Variants in WNK3 observed in about 807,000 individuals in gnomAD.
The protein encoded by WNK3 is serine/threonine-protein kinase WNK3.
WNK3 carries 18 observed loss-of-function variants against 116.7 expected under a neutral mutation model. That is an observed-to-expected ratio of 0.15 (90% CI 0.11 to 0.23). The LOEUF is 0.23. Ranked by LOEUF, WNK3 falls within the 10% of genes least tolerant of loss-of-function variation. The pLI, the probability that WNK3 is intolerant of heterozygous loss-of-function variation, is 1.00. For synonymous variants in WNK3, 404 were observed against 469.4 expected, an observed-to-expected ratio of 0.86 and a Z score of 1.80; for missense variants, 993 against 1,323.8, an observed-to-expected ratio of 0.75 and a Z score of 3.88.
At chrX:54,278,193 CT>C (rs1193326215) in intron 10 of WNK3, among the ~76,000 whole-genome samples, 2 of 109,987 alleles carry the variant, frequency 1.8e-5, no homozygotes, top group African/African-American at 3.3e-5. Context: ...GATTTGTATG[CT>C]GAAAATTACA....
intron 1 of WNK3, among the ~76,000 whole-genome samples, chrX:54,344,671 G>A (rs1364007251): frequency 1.8e-5 from 2 of 111,724 alleles, no homozygotes; most frequent in Non-Finnish European, 3.8e-5. Flanking sequence ...GCGCCTGGGC[G>A]CGGTGGCTCA....
At chrX:54,320,522 T>C (rs926171072) in intron 2 of WNK3, among the ~76,000 whole-genome samples, 7 of 111,542 alleles carry the variant, frequency 6.3e-5, no homozygotes, top group Non-Finnish European at 9.4e-5. Flanking sequence ...TCAATGAATA[T>C]TTTTTTTCTT....
intron 2 of WNK3, among the ~76,000 whole-genome samples, chrX:54,324,377 C>T (rs781984093): frequency 1.8e-5 from 2 of 112,072 alleles, no homozygotes; most frequent in African/African-American, 6.5e-5. Flanking sequence ...CAGCTTACCA[C>T]ATGTATCAAT....
At chrX:54,297,673 T>C (rs1452971253) in intron 7 of WNK3, among the ~76,000 whole-genome samples, 1 of 111,431 alleles carries the variant, frequency 9.0e-6, no homozygotes, top group Non-Finnish European at 1.9e-5. Flanking sequence ...GTAATGGTAA[T>C]GTTCTATTTC....
intron 1 of WNK3, among the ~76,000 whole-genome samples, chrX:54,338,548 C>A (rs782391666): frequency 1.8e-4 from 20 of 109,273 alleles, no homozygotes; most frequent in African/African-American, 6.7e-4. Context: ...TACAGTCCAA[C>A]CTGGGTGACA....
exon 2 of WNK3, chrX:54,333,606 T>A (rs1449103220): frequency 8.3e-7 from 1 of 1,204,495 alleles, no homozygotes; most frequent in African/African-American, 1.7e-5. Context: ...AACTCTGTTT[T>A]CAAATGAAAT....
intron 2 of WNK3, among the ~76,000 whole-genome samples, chrX:54,311,950 T>C (rs1182064998): frequency 1.8e-5 from 2 of 110,884 alleles, no homozygotes; most frequent in African/African-American, 6.6e-5. Flanking sequence ...ACACAGACAG[T>C]ACACCACCCC....
intron 2 of WNK3, among the ~76,000 whole-genome samples, chrX:54,312,531 G>A (rs782060770): frequency 2.7e-5 from 3 of 109,818 alleles, no homozygotes; most frequent in Admixed American, 9.9e-5. Flanking sequence ...TCTGCTTCCC[G>A]GGGTCAAGTG....
At chrX:54,211,357 G>A (rs1557143695) in intron 22 of WNK3, among the ~76,000 whole-genome samples, 1 of 107,127 alleles carries the variant, frequency 9.3e-6, no homozygotes, top group African/African-American at 3.4e-5. Context: ...TGGGAGGATC[G>A]CTTGAACCTG....
intron 2 of WNK3, among the ~76,000 whole-genome samples, chrX:54,317,701 A>G (rs1300870596): frequency 1.9e-5 from 2 of 103,546 alleles, no homozygotes; most frequent in African/African-American, 7.1e-5. Flanking sequence ...GTGCCATCTC[A>G]GCTCACTGTA....
chrX:54,334,361 A>T (rs2069207881), intron 1 of WNK3, among the ~76,000 whole-genome samples: 1 of 111,747 alleles, frequency 8.9e-6, no homozygotes, highest in South Asian at 3.8e-4. Flanking sequence ...TGTACCAGTT[A>T]AACAATGATT....
rs2068486381 is a variant in WNK3 at position 54,279,181 on chromosome X, CAAAGAA to C, written c.2037+13701_2037+13706del. 2.8e-5 allele frequency among the ~76,000 whole-genome samples: 3 copies of C among 107,037 alleles called. No homozygotes were observed. The Admixed American group carries it at 3.0e-4, about 11-fold the overall frequency. The allele number at this position is 107,037 out of a possible 115,157, so 92.9% of individuals were successfully genotyped here. A position where few individuals can be genotyped will look rare whatever the true frequency, so the allele number is the denominator to read the frequency against. On this transcript the variant is annotated intron_variant, in intron 10 of 23. Transcript: ENST00000354646. Reference sequence around the variant, plus strand: ...GAATATCTCCAGTTCTAAGGCTAGGCAAAGAATTCTTAGACTTCACACAAAAAGCAC... The same window carrying C: ...GAATATCTCCAGTTCTAAGGCTAGGCTTCTTAGACTTCACACAAAAAGCAC...
At chrX:54,220,739 T>C (rs1557146353) in intron 22 of WNK3, among the ~76,000 whole-genome samples, 1 of 111,572 alleles carries the variant, frequency 9.0e-6, no homozygotes, top group East Asian at 2.8e-4. Context: ...TTTGTACTTT[T>C]CAGTATTTTT....
exon 24 of WNK3, chrX:54,197,541 T>C (rs1402653559): frequency 3.6e-5 from 4 of 109,718 alleles, no homozygotes; most frequent in African/African-American, 1.3e-4. Context: ...CTGGCCAACA[T>C]AGTGAAACCC....
chrX:54,282,246 T>C (rs186356585), intron 10 of WNK3, among the ~76,000 whole-genome samples: 1 of 110,041 alleles, frequency 9.1e-6, no homozygotes, highest in East Asian at 2.8e-4. Context: ...GGTCTCACTA[T>C]GTTGCCCAGG....
intron 10 of WNK3, among the ~76,000 whole-genome samples, chrX:54,291,740 C>T (rs1356437190): frequency 8.9e-6 from 1 of 112,083 alleles, no homozygotes; most frequent in African/African-American, 3.2e-5. Context: ...CCCTAAAAGA[C>T]TGGGCTCTTT....
chrX:54,241,713 G>A (rs2068023198), intron 17 of WNK3, among the ~76,000 whole-genome samples: 1 of 111,363 alleles, frequency 9.0e-6, no homozygotes, highest in African/African-American at 3.3e-5. Flanking sequence ...CAGCACTTTG[G>A]GAGGCTAAGG....
chrX:54,295,674 A>G (rs1490180352), intron 7 of WNK3, among the ~76,000 whole-genome samples: 2 of 111,353 alleles, frequency 1.8e-5, no homozygotes, highest in Non-Finnish European at 1.9e-5. Context: ...TGTTTTCACA[A>G]AAGAATTCTA....
At chrX:54,321,983 C>CA (rs782573142) in intron 2 of WNK3, among the ~76,000 whole-genome samples, 909 of 60,998 alleles carry the variant, frequency 0.015, 4 homozygotes, top group African/African-American at 0.044. Context: ...GACTCCATCC[C>CA]AAAAAAAAAA....
Sources: gnomAD v4.1 joint callset for allele counts (sites outside exome capture counted in the v4.1 genomes callset) on GRCh38, gnomAD v4.1.1 for gene constraint, MANE v1.5 for transcripts, NCBI Gene and HGNC (gene_info 2026-07-23, HGNC 2026-07-21) for gene names.